Variants in RYR2 observed in about 807,000 individuals in gnomAD.
RYR2 encodes ryanodine receptor 2.
In RYR2, 227 loss-of-function variants were observed where a neutral mutation model predicts 601.1. That is an observed-to-expected ratio of 0.38 (90% CI 0.34 to 0.42). The LOEUF (loss-of-function observed/expected upper bound fraction) is 0.42, where lower values mean the gene tolerates loss of function less well. Ranked by LOEUF, RYR2 falls within the 10% of genes least tolerant of loss-of-function variation. The pLI, the probability that RYR2 is intolerant of heterozygous loss-of-function variation, is 1.00. For synonymous variants in RYR2, 2,223 were observed against 2,175.1 expected (o/e 1.02, Z -0.61); for missense variants, 4,646 against 6,156.5 (o/e 0.75, Z 8.21).
chr1:237,593,447 G>A, intron 32 of RYR2, 29 bp from the exon 33 acceptor site: 1 of 1,569,070 alleles, frequency 6.4e-7, no homozygotes, highest in South Asian at 1.2e-5. Context: ...GTTTTACTTT[G>A]CCAATATTTG....
chr1:237,771,874 A>C (rs1433500782), intron 85 of RYR2, 138 bp from the exon 86 acceptor site: 1 of 600,322 alleles, frequency 1.7e-6, no homozygotes, highest in African/African-American at 1.9e-5. Flanking sequence ...AATTATTTTC[A>C]TAGTAAAACT....
At chr1:237,463,627 G>A (rs1476106166) in intron 16 of RYR2, among the ~76,000 whole-genome samples, 1 of 152,144 alleles carries the variant, frequency 6.6e-6, no homozygotes, top group Non-Finnish European at 1.5e-5. Flanking sequence ...GATCACTTGA[G>A]GAAGGGAGTT....
chr1:237,445,464 G>T lies in RYR2; in HGVS notation c.1234G>T (p.Glu412Ter). ...AAGTTTGTCGAGATCCCAGCATGAAGAATCACGCACAGCCCGAGTTATCCG... is the reference window on the plus strand; with the variant it reads ...AAGTTTGTCGAGATCCCAGCATGAATAATCACGCACAGCCCGAGTTATCCG... ...GISLSRSQHE[E>*]SRTARVIRST... Residue 412 changes from glutamate to a stop codon, truncating the protein, a stop_gained, in exon 14 of 105, where the codon GAA becomes TAA. Coordinates refer to ENST00000366574, the MANE Select transcript of RYR2 (RefSeq NM_001035.3). LOFTEE classifies it high-confidence loss of function. The T allele has an allele frequency of 6.2e-7, 1 of 1,613,742 alleles. No homozygotes were observed. The highest frequency in any genetic ancestry group is 8.5e-7 in the Non-Finnish European group (1 of 1,179,736).
chr1:237,216,958 C>G (rs1422546117), intron 1 of RYR2, among the ~76,000 whole-genome samples: 5 of 152,320 alleles, frequency 3.3e-5, no homozygotes, highest in Non-Finnish European at 4.4e-5. Flanking sequence ...TTCCCCAGAT[C>G]ACTCCAGCTC....
intron 1 of RYR2, among the ~76,000 whole-genome samples, chr1:237,179,721 C>G (rs977255474): frequency 5.3e-5 from 8 of 152,096 alleles, no homozygotes; most frequent in African/African-American, 1.9e-4. Context: ...TGATGGTGCT[C>G]TGGGGCTAGC....
At chr1:237,520,568 G>A (rs968201578) in intron 24 of RYR2, among the ~76,000 whole-genome samples, 3 of 152,110 alleles carry the variant, frequency 2.0e-5, no homozygotes, top group Non-Finnish European at 4.4e-5. Flanking sequence ...TGCTCATATG[G>A]TATTTGTTGT....
chr1:237,406,586 T>A (rs1703929059), intron 10 of RYR2, among the ~76,000 whole-genome samples: 1 of 152,058 alleles, frequency 6.6e-6, no homozygotes. Context: ...AGCCTGGTGT[T>A]ATTTTGTATA....
At chr1:237,294,029 C>T (rs1692503823) in intron 2 of RYR2, among the ~76,000 whole-genome samples, 2 of 152,094 alleles carry the variant, frequency 1.3e-5, no homozygotes, top group Admixed American at 1.3e-4. Context: ...CAAGAGCCTA[C>T]CAAGAGTCAC....
intron 2 of RYR2, among the ~76,000 whole-genome samples, chr1:237,273,529 A>G (rs1331023462): frequency 1.0e-4 from 15 of 144,486 alleles, no homozygotes; most frequent in Non-Finnish European, 1.5e-4. Context: ...TCCCCAAGGA[A>G]CTGAGATGGA....
intron 3 of RYR2, among the ~76,000 whole-genome samples, chr1:237,337,811 A>G (rs1478030265): frequency 2.6e-5 from 4 of 152,140 alleles, no homozygotes; most frequent in African/African-American, 7.2e-5. Flanking sequence ...ACCTTCAATT[A>G]CCTGAAGCCC....
chr1:237,456,778 TA>T, intron 16 of RYR2, 43 bp downstream of exon 16: 1 of 1,606,094 alleles, frequency 6.2e-7, no homozygotes, highest in East Asian at 2.2e-5. Context: ...GTTATCTATT[TA>T]AAATGTCCAT....
At chr1:237,058,842 A>G (rs1662497886) in intron 1 of RYR2, among the ~76,000 whole-genome samples, 1 of 152,074 alleles carries the variant, frequency 6.6e-6, no homozygotes, top group African/African-American at 2.4e-5. Flanking sequence ...TCAGGTAGCA[A>G]TTAGAAGGTG....
chr1:237,391,782 T>C (rs908686680), intron 10 of RYR2, among the ~76,000 whole-genome samples: 14 of 152,140 alleles, frequency 9.2e-5, no homozygotes, highest in African/African-American at 3.4e-4. Context: ...TCCTAAAGAA[T>C]GTTAATAAAG....
At chr1:237,611,578 G>A (rs1677876176) in intron 36 of RYR2, among the ~76,000 whole-genome samples, 1 of 152,016 alleles carries the variant, frequency 6.6e-6, no homozygotes, top group Non-Finnish European at 1.5e-5. Flanking sequence ...CCATATGATA[G>A]CCAATTAAAT....
At chr1:237,754,938 T>A (rs1692820622) in intron 80 of RYR2, 1 of 409,790 alleles carries the variant, frequency 2.4e-6, no homozygotes, top group South Asian at 2.4e-5. Context: ...AAGCTGCCTC[T>A]TTTTTTTTCT....
intron 12 of RYR2, among the ~76,000 whole-genome samples, chr1:237,433,034 T>TTG (rs386370114): frequency 0.16 from 5,112 of 32,810 alleles, 90 homozygotes; most frequent in East Asian, 0.45. Flanking sequence ...TGACTGTGTG[T>TTG]GGGGGGGGGT....
intron 101 of RYR2, among the ~76,000 whole-genome samples, chr1:237,824,765 T>C (rs1418070742): frequency 6.6e-6 from 1 of 152,210 alleles, no homozygotes; most frequent in Non-Finnish European, 1.5e-5. Flanking sequence ...ATTGTATATT[T>C]AGAAAACCCC....
intron 1 of RYR2, among the ~76,000 whole-genome samples, chr1:237,213,808 C>G (rs573772752): frequency 9.9e-5 from 15 of 151,314 alleles, no homozygotes; most frequent in Non-Finnish European, 1.8e-4. Context: ...AAATCTTTAA[C>G]CTATCTGAAA....
At chr1:237,405,559 A>G (rs1703780880) in intron 10 of RYR2, among the ~76,000 whole-genome samples, 1 of 152,154 alleles carries the variant, frequency 6.6e-6, no homozygotes, top group Non-Finnish European at 1.5e-5. Flanking sequence ...AAATATATCA[A>G]CCTTAATTTA....
Sources: allele counts gnomAD v4.1 joint callset (sites outside exome capture counted in the v4.1 genomes callset), GRCh38; gene constraint gnomAD v4.1.1; transcripts MANE v1.5; gene names NCBI Gene and HGNC (gene_info 2026-07-23, HGNC 2026-07-21).